Variants in DAB1 observed in about 807,000 individuals in gnomAD.
DAB1 encodes disabled homolog 1.
DAB1 carries 15 observed loss-of-function variants against 64.6 expected under a neutral mutation model. The observed-to-expected ratio is 0.23, with a 90% CI of 0.16 to 0.36. The LOEUF (loss-of-function observed/expected upper bound fraction) is 0.36. DAB1 is among the 10% of genes least tolerant of loss of function. The pLI is 1.00. For synonymous variants in DAB1, 235 were observed against 251.9 expected, an observed-to-expected ratio of 0.93 and a Z score of 0.64; for missense variants, 596 against 706.7, an observed-to-expected ratio of 0.84 and a Z score of 1.78.
At chr1:58,403,624 C>T (rs550487973) in intron 3 of DAB1, among the ~76,000 whole-genome samples, 45 of 152,302 alleles carry the variant, frequency 3.0e-4, no homozygotes, top group African/African-American at 1.1e-3. Context: ...CTCTCTGAGC[C>T]TCAATTTCCT....
chr1:57,747,998 C>A (rs1205155288), intron 6 of DAB1, among the ~76,000 whole-genome samples: 1 of 151,968 alleles, frequency 6.6e-6, no homozygotes, highest in Non-Finnish European at 1.5e-5. Flanking sequence ...GGTCTAGAGT[C>A]TTGATCATTA....
intron 1 of DAB1, among the ~76,000 whole-genome samples, chr1:57,393,063 T>A (rs1203925071): frequency 6.6e-6 from 1 of 152,180 alleles, no homozygotes; most frequent in African/African-American, 2.4e-5. Context: ...ATTGTATATA[T>A]TTATGGTGTA....
intron 4 of DAB1, among the ~76,000 whole-genome samples, chr1:57,074,151 C>T (rs904513395): frequency 7.9e-5 from 12 of 152,106 alleles, no homozygotes; most frequent in Non-Finnish European, 1.5e-4. Flanking sequence ...ATTACAGGTG[C>T]GAACCACTGC....
chr1:57,101,797 G>A (rs1359133220), intron 4 of DAB1, among the ~76,000 whole-genome samples: 1 of 152,176 alleles, frequency 6.6e-6, no homozygotes, highest in Non-Finnish European at 1.5e-5. Context: ...TCTTTCTAGA[G>A]CTCTACCTAC....
At chr1:57,355,417 T>A (rs1008337179) in intron 1 of DAB1, among the ~76,000 whole-genome samples, 1 of 151,696 alleles carries the variant, frequency 6.6e-6, no homozygotes, top group Non-Finnish European at 1.5e-5. Context: ...TCCTTCCACA[T>A]TTATTAAGCA....
chr1:58,083,194 C>T (rs1650104321), intron 5 of DAB1, among the ~76,000 whole-genome samples: 1 of 152,082 alleles, frequency 6.6e-6, no homozygotes, highest in Admixed American at 6.6e-5. Context: ...TTTTTTCATT[C>T]CTTCCACCCT....
chr1:57,588,748 A>G (rs1420357526), intron 7 of DAB1, among the ~76,000 whole-genome samples: 1 of 152,206 alleles, frequency 6.6e-6, no homozygotes, highest in Admixed American at 6.5e-5. Context: ...AAAAGAACAG[A>G]ATTGAAAGGC....
intron 6 of DAB1, among the ~76,000 whole-genome samples, chr1:57,720,924 T>C (rs553684919): frequency 1.4e-4 from 21 of 152,330 alleles, no homozygotes; most frequent in Admixed American, 1.1e-3. Flanking sequence ...GCACTGGCCC[T>C]GGGCCAGGCT....
intron 2 of DAB1, among the ~76,000 whole-genome samples, chr1:57,196,948 A>G (rs75468012): frequency 0.027 from 4,083 of 152,256 alleles, 90 homozygotes; most frequent in African/African-American, 0.061. Context: ...CTTCCTAAGC[A>G]CTTTGTGGGT....
At chr1:57,898,353 T>C (rs1441221442) in intron 5 of DAB1, among the ~76,000 whole-genome samples, 1 of 152,176 alleles carries the variant, frequency 6.6e-6, no homozygotes, top group African/African-American at 2.4e-5. Context: ...GCAAAGTGAT[T>C]TTATCTCTAA....
intron 6 of DAB1, among the ~76,000 whole-genome samples, chr1:57,742,526 G>T (rs923065292): frequency 6.6e-6 from 1 of 152,106 alleles, no homozygotes. Context: ...AAGGAGGGCA[G>T]GAGGCCTGTA....
chr1:58,320,816 T>A (rs759193777), intron 4 of DAB1, among the ~76,000 whole-genome samples: 3 of 152,232 alleles, frequency 2.0e-5, no homozygotes, highest in Non-Finnish European at 4.4e-5. Flanking sequence ...GACCTGAGAC[T>A]GTGCTTCCTC....
intron 1 of DAB1, among the ~76,000 whole-genome samples, chr1:57,846,016 C>T (rs1653263359): frequency 6.6e-6 from 1 of 152,154 alleles, no homozygotes; most frequent in African/African-American, 2.4e-5. Flanking sequence ...ACACGAAATG[C>T]TTTGTGGATC....
At chr1:57,138,036 A>C (rs538632594) in intron 3 of DAB1, among the ~76,000 whole-genome samples, 2 of 152,314 alleles carry the variant, frequency 1.3e-5, no homozygotes, top group East Asian at 3.9e-4. Context: ...ACATTTATTT[A>C]AAGTACCTAG....
intron 7 of DAB1, among the ~76,000 whole-genome samples, chr1:57,432,645 C>G (rs1477356779): frequency 1.3e-5 from 2 of 152,164 alleles, no homozygotes; most frequent in Admixed American, 1.3e-4. Flanking sequence ...TTTGGTTTAG[C>G]CATGCCAGAA....
chr1:58,518,854 G>T (rs1646215080), intron 2 of DAB1, among the ~76,000 whole-genome samples: 1 of 152,122 alleles, frequency 6.6e-6, no homozygotes. Flanking sequence ...CGAGCTCTAA[G>T]AATTTTAATT....
chr1:58,495,903 C>G (rs1645792885), intron 3 of DAB1, among the ~76,000 whole-genome samples: 1 of 151,992 alleles, frequency 6.6e-6, no homozygotes, highest in Admixed American at 6.6e-5. Context: ...GCCTTTTTAC[C>G]TAGGTAGCTT....
intron 1 of DAB1, among the ~76,000 whole-genome samples, chr1:57,831,083 T>C (rs1211466868): frequency 2.0e-5 from 3 of 152,072 alleles, no homozygotes; most frequent in Non-Finnish European, 2.9e-5. Flanking sequence ...TGGCTAATTT[T>C]TTGTATTTTT....
At chr1:57,721,847 T>C (rs1038972978) in intron 6 of DAB1, among the ~76,000 whole-genome samples, 7 of 152,188 alleles carry the variant, frequency 4.6e-5, no homozygotes, top group Non-Finnish European at 1.5e-5. Flanking sequence ...GGCCAGTTGG[T>C]TAAGGCAGTA....
Sources: gnomAD v4.1 joint callset for allele counts (sites outside exome capture counted in the v4.1 genomes callset) on GRCh38, gnomAD v4.1.1 for gene constraint, MANE v1.5 for transcripts, NCBI Gene and HGNC (gene_info 2026-07-23, HGNC 2026-07-21) for gene names.